The following SND1 variants were observed in gnomAD, a reference collection of about 807,000 sequenced individuals.
The protein encoded by SND1 is staphylococcal nuclease domain-containing protein 1.
A neutral mutation model predicts 121.7 loss-of-function variants in SND1; 38 were observed. The observed-to-expected ratio is 0.31, with a 90% CI of 0.24 to 0.41. The LOEUF (loss-of-function observed/expected upper bound fraction) is 0.41, where lower values mean the gene tolerates loss of function less well. Among genes scored for constraint, SND1 ranks in the 10% least tolerant of loss-of-function variants. The pLI is 1.00. For synonymous variants in SND1, 401 were observed against 447.4 expected, an observed-to-expected ratio of 0.90 and a Z score of 1.31; for missense variants, 868 against 1,184.6, an observed-to-expected ratio of 0.73 and a Z score of 3.92.
At chr7:128,081,848 G>A (rs751622123) in intron 18 of SND1, 1 of 549,226 alleles carries the variant, frequency 1.8e-6, no homozygotes, top group Non-Finnish European at 3.7e-6. Context: ...ATGCTGGGCA[G>A]GATGATTTGT....
intron 15 of SND1, among the ~76,000 whole-genome samples, chr7:127,963,474 A>G (rs370073482): frequency 3.1e-5 from 4 of 130,824 alleles, no homozygotes; most frequent in East Asian, 2.2e-4. Context: ...TCATTGTTCA[A>G]TTCCCACCTA....
intron 10 of SND1, among the ~76,000 whole-genome samples, chr7:127,792,752 G>T (rs1419433326): frequency 2.0e-5 from 3 of 152,196 alleles, no homozygotes; most frequent in African/African-American, 7.2e-5. Flanking sequence ...GATTGGTTCT[G>T]ATGAATCTGA....
At chr7:127,821,973 A>T (rs971345551) in intron 11 of SND1, among the ~76,000 whole-genome samples, 1 of 152,178 alleles carries the variant, frequency 6.6e-6, no homozygotes, top group Non-Finnish European at 1.5e-5. Context: ...ATTTTTATTT[A>T]TGGGGAAATC....
At chr7:128,028,575 A>T in intron 16 of SND1, 1 of 1,088,140 alleles carries the variant, frequency 9.2e-7, no homozygotes, top group Non-Finnish European at 1.3e-6. Context: ...CCATAGACTT[A>T]ATATATAAGC....
intron 17 of SND1, among the ~76,000 whole-genome samples, chr7:128,080,776 T>C (rs1392140574): frequency 5.9e-5 from 9 of 152,176 alleles, no homozygotes; most frequent in Admixed American, 5.2e-4. Context: ...TGTAATTTGG[T>C]AGGCCTGGGG....
At chr7:127,865,187 A>T in intron 12 of SND1, among the ~76,000 whole-genome samples, 1 of 150,578 alleles carries the variant, frequency 6.6e-6, no homozygotes, top group East Asian at 2.0e-4. Flanking sequence ...TCCCTCTGAG[A>T]GCATCTACAC....
At chr7:127,997,841 C>A (rs758923498) in intron 16 of SND1, 1 of 534,774 alleles carries the variant, frequency 1.9e-6, no homozygotes, top group African/African-American at 1.9e-5. Context: ...CAGTCATCGC[C>A]CTTGCTTGCT....
chr7:127,961,371 T>C (rs533265988), intron 15 of SND1, among the ~76,000 whole-genome samples: 7 of 152,212 alleles, frequency 4.6e-5, no homozygotes, highest in East Asian at 1.9e-4. Flanking sequence ...AGCTGTATGA[T>C]AGTAAGATCT....
At chr7:127,729,235 A>G (rs1300834707) in intron 10 of SND1, among the ~76,000 whole-genome samples, 1 of 152,120 alleles carries the variant, frequency 6.6e-6, no homozygotes, top group Non-Finnish European at 1.5e-5. Context: ...TAGTTCAGGT[A>G]TCTTGATTCA....
chr7:127,994,577 A>AC (rs1766177083), intron 16 of SND1, among the ~76,000 whole-genome samples: 1 of 141,314 alleles, frequency 7.1e-6, no homozygotes, highest in African/African-American at 2.6e-5. Flanking sequence ...AAAAAAAAAA[A>AC]AAAAAAAACA....
intron 10 of SND1, 24 bp downstream of exon 10, chr7:127,721,424 C>T: frequency 7.2e-7 from 1 of 1,397,126 alleles, no homozygotes; most frequent in Non-Finnish European, 1.0e-6. Context: ...AGCAGCCGCG[C>T]CTCTTTGCAT....
intron 15 of SND1, among the ~76,000 whole-genome samples, chr7:127,957,016 C>A (rs1045007283): frequency 6.6e-6 from 1 of 152,144 alleles, no homozygotes; most frequent in African/African-American, 2.4e-5. Context: ...TTTCCCTAAA[C>A]AGGAAAATAT....
intron 16 of SND1, chr7:128,030,808 A>C: frequency 1.2e-6 from 1 of 835,624 alleles, no homozygotes; most frequent in South Asian, 2.1e-5. Flanking sequence ...AATCCTGCCA[A>C]ACTCGAGCGG....
At position 127,929,276 on chromosome 7, in the gene SND1, G is replaced by A. The variant is rs143989011; in HGVS notation, c.1616G>A (p.Arg539His). The change falls in exon 15 of 24, where the codon CGT (arginine) becomes CAT (histidine). Residue 539 changes from arginine to histidine, a missense_variant. Around this residue, in one of 2 missense-constraint regions of SND1, gnomAD observed 743 missense variants for 1,071.3 expected, o/e 0.69. Coordinates refer to ENST00000354725, the MANE Select transcript of SND1 (RefSeq NM_014390.4). ...AVVEYVFSGS[R>H]LKLYLPKETC... ...GTGGAATACGTCTTCAGTGGTTCTC[G>A]TCTCAAACTCTATTTGCCAAAGGAA... 3.7e-6 allele frequency: 6 copies of A among 1,614,016 alleles called. No individual in the cohort carries two copies. The highest frequency in any genetic ancestry group is 4.2e-6 in the Non-Finnish European group (5 of 1,179,944).
intron 16 of SND1, among the ~76,000 whole-genome samples, chr7:128,043,755 T>C (rs144214531): frequency 2.1e-4 from 32 of 151,552 alleles, no homozygotes; most frequent in African/African-American, 7.7e-4. Flanking sequence ...TTTCAGATAA[T>C]ATATCTTTAT....
intron 10 of SND1, among the ~76,000 whole-genome samples, chr7:127,744,446 A>G (rs1340628555): frequency 6.6e-6 from 1 of 152,210 alleles, no homozygotes; most frequent in Non-Finnish European, 1.5e-5. Context: ...TATCCATACA[A>G]CACCAAGGTT....
At chr7:127,893,824 T>C (rs10954164) in intron 13 of SND1, among the ~76,000 whole-genome samples, 45,070 of 151,880 alleles carry the variant, frequency 0.3, 8,441 homozygotes, top group East Asian at 0.72. Context: ...CTTGGCTACT[T>C]CTCTTCCTGG....
At chr7:128,034,268 C>T (rs968480583) in intron 16 of SND1, among the ~76,000 whole-genome samples, 9 of 152,174 alleles carry the variant, frequency 5.9e-5, no homozygotes, top group East Asian at 1.9e-4. Context: ...GGGTAGGAGA[C>T]GGGCTGAGAA....
At chr7:128,086,364 G>A (rs185311903) in intron 20 of SND1, 6 of 176,366 alleles carry the variant, frequency 3.4e-5, no homozygotes, top group East Asian at 1.6e-4. Flanking sequence ...GCTTGTCTGC[G>A]TACCTCCCAT....
Sources: allele counts gnomAD v4.1 joint callset (sites outside exome capture counted in the v4.1 genomes callset), GRCh38; gene constraint gnomAD v4.1.1; regional missense constraint gnomAD v4.1.1; transcripts MANE v1.5; gene names NCBI Gene and HGNC (gene_info 2026-07-23, HGNC 2026-07-21).